GRID2: variants seen among roughly 807,000 people sequenced by gnomAD.
GRID2 encodes the protein glutamate receptor ionotropic, delta-2.
Under a neutral mutation model 114.8 loss-of-function variants are expected in GRID2, and 33 were observed. The ratio of observed to expected loss-of-function variants is 0.29; its 90% confidence interval spans 0.22 to 0.38. The LOEUF is 0.38. Among genes scored for constraint, GRID2 ranks in the 10% least tolerant of loss-of-function variants. GRID2 has a pLI of 1.00. For missense variants in GRID2, 1,184 were observed against 1,257.7 expected, an observed-to-expected ratio of 0.94 and a Z score of 0.89; for synonymous variants, 505 against 449.9, an observed-to-expected ratio of 1.12 and a Z score of -1.55.
chr4:92,352,788 TG>T (rs201663988), intron 1 of GRID2, among the ~76,000 whole-genome samples: 9,977 of 152,024 alleles, frequency 0.066, 394 homozygotes, highest in Middle Eastern at 0.14. Flanking sequence ...GAGTAGCAGG[TG>T]TTCTTTGTCT....
intron 14 of GRID2, among the ~76,000 whole-genome samples, chr4:93,762,445 G>C (rs933521727): frequency 6.6e-6 from 1 of 152,138 alleles, no homozygotes; most frequent in African/African-American, 2.4e-5. Context: ...AAAAGGTCTT[G>C]TATCATAGAG....
At chr4:93,635,792 TAGATGACA>T (rs1324970670) in intron 14 of GRID2, among the ~76,000 whole-genome samples, 1 of 152,158 alleles carries the variant, frequency 6.6e-6, no homozygotes, top group Non-Finnish European at 1.5e-5. Context: ...TTAGTCTAAA[TAGATGACA>T]GAATAAGTAT....
intron 2 of GRID2, among the ~76,000 whole-genome samples, chr4:92,611,600 C>G (rs535260078): frequency 6.6e-6 from 1 of 151,508 alleles, no homozygotes; most frequent in Non-Finnish European, 1.5e-5. Context: ...AGAAATTGCT[C>G]AGTTTTATGA....
intron 1 of GRID2, among the ~76,000 whole-genome samples, chr4:92,388,966 G>T (rs1310498178): frequency 1.3e-5 from 2 of 152,010 alleles, no homozygotes; most frequent in African/African-American, 2.4e-5. Context: ...AGTTTACAAC[G>T]CCTTTCAACA....
chr4:92,805,689 T>G (rs552894788), intron 2 of GRID2, among the ~76,000 whole-genome samples: 1 of 152,112 alleles, frequency 6.6e-6, no homozygotes, highest in South Asian at 2.1e-4. Context: ...TCCCAGCACT[T>G]TGGGAGGCCC....
intron 2 of GRID2, among the ~76,000 whole-genome samples, chr4:92,792,781 T>C (rs1739656453): frequency 6.6e-6 from 1 of 152,004 alleles, no homozygotes; most frequent in East Asian, 1.9e-4. Context: ...TTTTAATTTT[T>C]TTGAGTGGGA....
chr4:93,131,612 A>T (rs777259010), intron 4 of GRID2, among the ~76,000 whole-genome samples: 111 of 151,440 alleles, frequency 7.3e-4, no homozygotes, highest in Non-Finnish European at 1.2e-3. Flanking sequence ...TTTTATTTAA[A>T]TTTTTTTATT....
exon 2 of GRID2, chr4:93,807,812 A>G (rs1184317084): frequency 1.3e-5 from 2 of 152,206 alleles, no homozygotes; most frequent in African/African-American, 2.4e-5. Flanking sequence ...CTATGTGCCA[A>G]GCACTGTATT....
intron 2 of GRID2, among the ~76,000 whole-genome samples, chr4:92,918,205 T>C (rs1748981498): frequency 1.3e-5 from 2 of 152,298 alleles, no homozygotes; most frequent in Non-Finnish European, 2.9e-5. Context: ...TGATTTTGTA[T>C]CCTGAGACTT....
At chr4:93,544,956 T>C (rs1398688202) in intron 13 of GRID2, among the ~76,000 whole-genome samples, 1 of 152,118 alleles carries the variant, frequency 6.6e-6, no homozygotes, top group African/African-American at 2.4e-5. Context: ...AAATGTGCTA[T>C]TTTACATCTA....
rs1433512191 is a variant in GRID2 at position 92,935,114 on chromosome 4, G to C, written c.245-149881G>C. ...GAGTGAACAGGCAACCTACAAAATG[G>C]GAGAAAATTTTCACAACCTACTCAT... On this transcript the variant is annotated intron_variant, in intron 2 of 15. Transcript: ENST00000282020. Among the ~76,000 whole-genome samples, 2 of 146,158 alleles carry C rather than the reference G, an allele frequency of 1.4e-5. 1 individual carries two copies. The highest frequency in any genetic ancestry group is 4.9e-5 in the African/African-American group (2 of 41,034).
chr4:92,570,896 A>T lies in GRID2; in HGVS notation c.89-19235A>T, dbSNP rs1373850959. Among the ~76,000 whole-genome samples, 4 of 152,066 alleles carry T rather than the reference A, an allele frequency of 2.6e-5. No individual in the cohort carries two copies. In the East Asian group the frequency reaches 7.7e-4, roughly 29 times the overall value. ...TACAGCATTATGTCATCTGCAAACA[A>T]GGATATTTTGACTCCCTGTCTTTGT... On this transcript the variant is annotated intron_variant, in intron 1 of 15. Coordinates refer to ENST00000282020, the MANE Select transcript of GRID2 (RefSeq NM_001510.4).
intron 8 of GRID2, among the ~76,000 whole-genome samples, chr4:93,258,378 A>T (rs1452371779): frequency 6.6e-6 from 1 of 151,774 alleles, no homozygotes; most frequent in Admixed American, 6.6e-5. Context: ...TCAGAGAAGT[A>T]GTGTTACCTC....
chr4:92,804,435 CAT>C (rs1420677748), intron 2 of GRID2, among the ~76,000 whole-genome samples: 17 of 151,720 alleles, frequency 1.1e-4, no homozygotes, highest in Admixed American at 9.9e-4. Context: ...TCATTTATAT[CAT>C]ATGTCAGGAG....
At chr4:92,465,537 T>C (rs541566515) in intron 1 of GRID2, among the ~76,000 whole-genome samples, 96 of 152,232 alleles carry the variant, frequency 6.3e-4, no homozygotes, top group African/African-American at 2.1e-3. Flanking sequence ...AAAAAACTAG[T>C]AGAATTGTAG....
intron 8 of GRID2, among the ~76,000 whole-genome samples, chr4:93,336,374 G>A (rs897845539): frequency 2.0e-5 from 3 of 151,900 alleles, no homozygotes; most frequent in African/African-American, 7.3e-5. Flanking sequence ...TTTCAGTCAT[G>A]TTTACTGCTA....
chr4:93,670,005 T>C (rs1724269970), intron 14 of GRID2, among the ~76,000 whole-genome samples: 1 of 152,082 alleles, frequency 6.6e-6, no homozygotes, highest in Non-Finnish European at 1.5e-5. Context: ...TTGATGAACT[T>C]CCCAGGATAA....
intron 1 of GRID2, among the ~76,000 whole-genome samples, chr4:92,526,813 T>C (rs1186736695): frequency 6.6e-6 from 1 of 152,068 alleles, no homozygotes; most frequent in African/African-American, 2.4e-5. Flanking sequence ...TTCAATGTTA[T>C]GATGGAGGAA....
chr4:93,172,397 C>G (rs1738921099), intron 4 of GRID2, among the ~76,000 whole-genome samples: 1 of 152,036 alleles, frequency 6.6e-6, no homozygotes, highest in African/African-American at 2.4e-5. Flanking sequence ...TCGGGACCAG[C>G]CTGGCCAACA....
Sources: gnomAD v4.1 joint callset for allele counts (sites outside exome capture counted in the v4.1 genomes callset) on GRCh38, gnomAD v4.1.1 for gene constraint, MANE v1.5 for transcripts, NCBI Gene and HGNC (gene_info 2026-07-23, HGNC 2026-07-21) for gene names.